OSBPL6: variants seen among roughly 807,000 people sequenced by gnomAD.
OSBPL6 encodes the protein oxysterol-binding protein-related protein 6.
In OSBPL6, 49 loss-of-function variants were observed where a neutral mutation model predicts 125.8. That is an observed-to-expected ratio of 0.39 (90% CI 0.31 to 0.49). OSBPL6 has a LOEUF of 0.49. Ranked by LOEUF, OSBPL6 falls within the 20% of genes least tolerant of loss-of-function variation. The pLI is 0.88. For synonymous variants in OSBPL6, 394 were observed against 391.8 expected (o/e 1.01, Z -0.07); for missense variants, 986 against 1,135.4 (o/e 0.87, Z 1.89).
intron 2 of OSBPL6, among the ~76,000 whole-genome samples, chr2:178,292,772 C>T (rs1014989667): frequency 6.6e-6 from 1 of 151,886 alleles, no homozygotes; most frequent in African/African-American, 2.4e-5. Context: ...AGACAGTAAG[C>T]CAGTACACAG....
intron 1 of OSBPL6, among the ~76,000 whole-genome samples, chr2:178,265,604 T>C (rs2092208730): frequency 6.6e-6 from 1 of 152,114 alleles, no homozygotes; most frequent in Non-Finnish European, 1.5e-5. Context: ...TGGTTCTTTT[T>C]TGTGGTGGCT....
At chr2:178,304,568 CA>C (rs1686588014) in intron 2 of OSBPL6, among the ~76,000 whole-genome samples, 2 of 152,168 alleles carry the variant, frequency 1.3e-5, no homozygotes, top group African/African-American at 4.8e-5. Flanking sequence ...GGTGGGAACA[CA>C]ACCAAACCAT....
intron 20 of OSBPL6, 85 bp downstream of exon 20, chr2:178,387,224 G>C (rs1209821439): frequency 2.8e-6 from 3 of 1,090,312 alleles, no homozygotes; most frequent in Non-Finnish European, 3.9e-6. Flanking sequence ...AGATGGTAAG[G>C]GTTTCTTTCT....
intron 13 of OSBPL6, among the ~76,000 whole-genome samples, chr2:178,367,516 C>A (rs1236309311): frequency 6.6e-6 from 1 of 152,170 alleles, no homozygotes; most frequent in Non-Finnish European, 1.5e-5. Flanking sequence ...ACCCACATTT[C>A]CATTTAGTAA....
rs1165759816 is a variant in OSBPL6 at position 178,398,117 on chromosome 2, G to A, written c.*2558G>A. On this transcript the variant is annotated 3_prime_UTR_variant, in exon 25 of 25. Transcript: ENST00000190611. ...TTTTTTACTTTTTATTGACATGGTG[G>A]TTATAAAATGAAGAGACTTACTCTA... The A allele has an allele frequency of 6.6e-6, 1 of 152,092 alleles. No homozygotes were observed. Among genetic ancestry groups the A allele is most frequent in the East Asian group, 1.9e-4 (1 of 5,200 alleles). The allele number at this position is 152,092 out of a possible 1,614,324, so 9.4% of individuals were successfully genotyped here.
intron 1 of OSBPL6, among the ~76,000 whole-genome samples, chr2:178,243,905 C>A (rs1417633798): frequency 1.3e-5 from 2 of 152,222 alleles, no homozygotes; most frequent in African/African-American, 2.4e-5. Flanking sequence ...CCTGCCTCAG[C>A]CTCCCAAAGT....
At position 178,338,999 on chromosome 2, in the gene OSBPL6, C is replaced by T. The variant is rs752545490; in HGVS notation, c.799C>T (p.His267Tyr). ...EMDRCAEDLA[H>Y]CQSNLVELSK... ...TTCTGATTTCTTATTAGATCTTGCA[C>T]ATTGCCAGTCAAACCTTGTGGAACT... is the stretch of plus-strand genomic sequence containing the variant. The change falls in exon 10 of 25, where the codon CAT (histidine) becomes TAT (tyrosine). Residue 267 changes from histidine to tyrosine, a missense_variant. By Grantham distance (83) the His-to-Tyr change is moderately conservative (BLOSUM62 2). This residue lies in a region of OSBPL6 where 843 missense variants were observed against 997.3 expected (regional missense o/e 0.85). Transcript: ENST00000190611. The T allele has an allele frequency of 7.1e-5, 114 of 1,610,944 alleles. No homozygotes were observed. Among genetic ancestry groups the T allele is most frequent in the Non-Finnish European group, 9.1e-5 (107 of 1,178,350 alleles).
At chr2:178,310,049 G>A (rs1359793320) in intron 3 of OSBPL6, among the ~76,000 whole-genome samples, 2 of 152,208 alleles carry the variant, frequency 1.3e-5, no homozygotes, top group Non-Finnish European at 2.9e-5. Flanking sequence ...CTAGAATGTA[G>A]TAGACTGTGG....
Position 178,399,523 on chromosome 2 carries a change from C to T in OSBPL6, c.*3964C>T, listed in dbSNP as rs371966860. ...ATCTAAGAAAGACTTAGCTTTATTA[C>T]GTCCAAAATGAGATCTAAAGAAGGA... On this transcript the variant is annotated 3_prime_UTR_variant, in exon 25 of 25. Coordinates refer to ENST00000190611, the MANE Select transcript of OSBPL6 (RefSeq NM_032523.4). 2.0e-5 allele frequency: 3 copies of T among 152,254 alleles called. No homozygotes were observed. The highest frequency in any genetic ancestry group is 4.4e-5 in the Non-Finnish European group (3 of 68,016). 9.4% of individuals were successfully genotyped at this position (152,254 alleles called of 1,614,324 possible).
chr2:178,383,302 G>GC (rs758692099), intron 17 of OSBPL6, 25 bp downstream of exon 17: 6 of 1,606,572 alleles, frequency 3.7e-6, no homozygotes, highest in Non-Finnish European at 5.1e-6. Context: ...ACAGAGCAGC[G>GC]CCCCTCAGGG....
chr2:178,279,496 AC>A (rs917775787), intron 1 of OSBPL6, among the ~76,000 whole-genome samples: 5 of 152,212 alleles, frequency 3.3e-5, no homozygotes, highest in African/African-American at 9.6e-5. Flanking sequence ...GTTTAAATCA[AC>A]CTTTTCAACC....
intron 23 of OSBPL6, 92 bp downstream of exon 23, chr2:178,392,630 A>T: frequency 6.7e-7 from 1 of 1,485,946 alleles, no homozygotes; most frequent in Non-Finnish European, 9.0e-7. Flanking sequence ...CTGAGGAGGG[A>T]AGATCACTTG....
intron 1 of OSBPL6, among the ~76,000 whole-genome samples, chr2:178,239,354 T>G: frequency 6.6e-6 from 1 of 151,078 alleles, no homozygotes; most frequent in East Asian, 1.9e-4. Flanking sequence ...AGCCCAGGAG[T>G]TCAAGACCAA....
chr2:178,215,394 C>A (rs1035384353), intron 1 of OSBPL6, among the ~76,000 whole-genome samples: 3 of 152,138 alleles, frequency 2.0e-5, no homozygotes, highest in Non-Finnish European at 4.4e-5. Context: ...TCCACAGGTG[C>A]CTTTTTGTTT....
At chr2:178,345,998 T>C (rs1483987080) in intron 11 of OSBPL6, among the ~76,000 whole-genome samples, 1 of 152,016 alleles carries the variant, frequency 6.6e-6, no homozygotes, top group African/African-American at 2.4e-5. Context: ...AGAAAAACTT[T>C]GCAGCATGTA....
intron 18 of OSBPL6, 70 bp from the exon 19 acceptor site, chr2:178,385,388 G>T (rs1694854723): frequency 1.8e-6 from 2 of 1,093,110 alleles, no homozygotes. Flanking sequence ...GAATAATTCA[G>T]TAAGAGAAAT....
rs115162774 is a variant in OSBPL6, at chr2:178,258,858, T to C, written c.-350-26069T>C. On this transcript the variant is annotated intron_variant, in intron 1 of 24. Coordinates refer to ENST00000190611, the MANE Select transcript of OSBPL6 (RefSeq NM_032523.4). ...GTTCTTTTGTGTGTGGCTTCTTTTATTCAGATTCAAGTCTGTAAACGTCTG... is the reference window on the plus strand; with the variant it reads ...GTTCTTTTGTGTGTGGCTTCTTTTACTCAGATTCAAGTCTGTAAACGTCTG... Among the ~76,000 whole-genome samples, 227 of 152,328 alleles carry C rather than the reference T, an allele frequency of 1.5e-3. 1 individual carries two copies. Among genetic ancestry groups the C allele is most frequent in the African/African-American group, 5.1e-3 (210 of 41,580 alleles).
At chr2:178,233,205 A>G (rs1333348227) in intron 1 of OSBPL6, among the ~76,000 whole-genome samples, 1 of 152,156 alleles carries the variant, frequency 6.6e-6, no homozygotes, top group East Asian at 1.9e-4. Flanking sequence ...TCAGGCTTGG[A>G]TAGGTTTGGA....
At chr2:178,229,856 A>C (rs1219305838) in intron 1 of OSBPL6, among the ~76,000 whole-genome samples, 1 of 152,208 alleles carries the variant, frequency 6.6e-6, no homozygotes, top group African/African-American at 2.4e-5. Context: ...AAAAAGAAAA[A>C]AAAGAAATGC....
Sources: gnomAD v4.1 joint callset for allele counts (sites outside exome capture counted in the v4.1 genomes callset) on GRCh38, gnomAD v4.1.1 for gene constraint, gnomAD v4.1.1 regional missense constraint, MANE v1.5 for transcripts, NCBI Gene and HGNC (gene_info 2026-07-23, HGNC 2026-07-21) for gene names.